Variants in CREM observed in about 807,000 individuals in gnomAD.
CREM encodes the protein cAMP-responsive element modulator.
In CREM, 13 loss-of-function variants were observed where a neutral mutation model predicts 37.3. The observed-to-expected ratio is 0.35, with a 90% CI of 0.23 to 0.55. The LOEUF (loss-of-function observed/expected upper bound fraction) is 0.55, where lower values mean the gene tolerates loss of function less well. Ranked by LOEUF, CREM falls within the 20% of genes least tolerant of loss-of-function variation. CREM has a pLI of 0.88. For missense variants in CREM, 296 were observed against 362.3 expected (o/e 0.82, Z 1.49); for synonymous variants, 124 against 120.2 (o/e 1.03, Z -0.21).
chr10:35,185,878 C>T (rs2094536587), intron 5 of CREM, among the ~76,000 whole-genome samples: 1 of 152,218 alleles, frequency 6.6e-6, no homozygotes, highest in African/African-American at 2.4e-5. Flanking sequence ...AAATGTTAAT[C>T]TATCTTCCTG....
rs751106366 is a variant in CREM at position 35,178,881 on chromosome 10, T to A, written c.169-8T>A. 6.3e-7 allele frequency: 1 copy of A among 1,596,242 alleles called. No homozygotes were observed. Among genetic ancestry groups the A allele is most frequent in the South Asian group, 1.1e-5 (1 of 88,552 alleles). On this transcript the variant is annotated splice_region_variant and splice_polypyrimidine_tract_variant and intron_variant, in intron 3 of 7. Transcript: ENST00000685392. ...TTATGATACATTTCAGAAAATCTTG[T>A]ATTATAGGTAGCAGCAATTGCAGAG...
intron 2 of CREM, among the ~76,000 whole-genome samples, chr10:35,142,637 G>C (rs2091580195): frequency 6.6e-6 from 1 of 152,136 alleles, no homozygotes; most frequent in Admixed American, 6.5e-5. Context: ...ATGGGGTCTT[G>C]CTCTGTCACC....
At chr10:35,160,197 A>G (rs1190205052) in intron 3 of CREM, among the ~76,000 whole-genome samples, 1 of 152,184 alleles carries the variant, frequency 6.6e-6, no homozygotes, top group African/African-American at 2.4e-5. Flanking sequence ...TGAATACTAC[A>G]GGCAATTGGA....
intron 7 of CREM, among the ~76,000 whole-genome samples, chr10:35,208,642 T>C (rs1473893720): frequency 6.6e-6 from 1 of 152,192 alleles, no homozygotes; most frequent in African/African-American, 2.4e-5. Flanking sequence ...TTCATTCTCA[T>C]GATCACAGCG....
chr10:35,201,567 G>T, intron 6 of CREM: 1 of 1,524,666 alleles, frequency 6.6e-7, no homozygotes, highest in Non-Finnish European at 8.9e-7. Context: ...CTTGCAAAGA[G>T]AGATATGTAG....
intron 6 of CREM, among the ~76,000 whole-genome samples, chr10:35,189,704 C>T (rs1191299846): frequency 3.9e-5 from 6 of 152,056 alleles, no homozygotes; most frequent in Non-Finnish European, 8.8e-5. Flanking sequence ...TTAGTAGAGA[C>T]GGGGTTTCAC....
intron 3 of CREM, among the ~76,000 whole-genome samples, chr10:35,166,288 C>A (rs1169414310): frequency 1.3e-5 from 2 of 152,098 alleles, no homozygotes; most frequent in Admixed American, 6.5e-5. Flanking sequence ...CTAGGCCAGA[C>A]ACAGTGGCTC....
At chr10:35,132,188 G>A (rs1370702266) in intron 1 of CREM, among the ~76,000 whole-genome samples, 7 of 142,042 alleles carry the variant, frequency 4.9e-5, no homozygotes, top group African/African-American at 1.8e-4. Flanking sequence ...GTGATAGAGC[G>A]AGACTTGAGT....
chr10:35,165,358 C>A (rs1227865467), intron 3 of CREM, among the ~76,000 whole-genome samples: 1 of 152,066 alleles, frequency 6.6e-6, no homozygotes, highest in African/African-American at 2.4e-5. Context: ...TCCCCCATGA[C>A]CCAAACACCT....
At chr10:35,157,121 T>C (rs543986523) in intron 3 of CREM, among the ~76,000 whole-genome samples, 97 of 152,134 alleles carry the variant, frequency 6.4e-4, no homozygotes, top group African/African-American at 2.2e-3. Flanking sequence ...ATAAATCACA[T>C]CAACAGAATG....
At chr10:35,133,731 A>G (rs189084809) in intron 1 of CREM, among the ~76,000 whole-genome samples, 1 of 152,392 alleles carries the variant, frequency 6.6e-6, no homozygotes. Flanking sequence ...TCTAATGTAC[A>G]GTTTAACAAA....
chr10:35,189,129 A>T (rs1309058639), intron 6 of CREM, among the ~76,000 whole-genome samples: 1 of 151,816 alleles, frequency 6.6e-6, no homozygotes, highest in Non-Finnish European at 1.5e-5. Context: ...TTTCAAGTCT[A>T]ATTTCTAGGC....
At position 35,178,933 on chromosome 10, in the gene CREM, T is replaced by C; in HGVS notation, c.213T>C (p.Gly71=). The change falls in exon 4 of 8, where the codon GGT becomes GGC. Residue 71 remains glycine, a synonymous_variant. Transcript: ENST00000685392. Reference sequence around the variant, plus strand: ...CAGATGAATCTGCAGAATCAGAAGGTGTAATTGATTCTCATAAACGTAGAG... The same window carrying C: ...CAGATGAATCTGCAGAATCAGAAGGCGTAATTGATTCTCATAAACGTAGAG... ...AETDESAESE[G]VIDSHKRREI... is the part of the protein sequence containing the mutation. 1 of 1,613,622 alleles carries C rather than the reference T, an allele frequency of 6.2e-7. No individual in the cohort carries two copies. Among genetic ancestry groups the C allele is most frequent in the Non-Finnish European group, 8.5e-7 (1 of 1,179,836 alleles).
At chr10:35,167,588 C>A (rs1322500284) in intron 3 of CREM, 2 of 789,672 alleles carry the variant, frequency 2.5e-6, no homozygotes, top group African/African-American at 1.7e-5. Context: ...TGCTGTGTTA[C>A]AACACTGTGA....
At chr10:35,182,722 G>A (rs987055538) in intron 5 of CREM, among the ~76,000 whole-genome samples, 1 of 152,158 alleles carries the variant, frequency 6.6e-6, no homozygotes, top group African/African-American at 2.4e-5. Context: ...GCTGCTCCCT[G>A]GGGAGTAGGA....
intron 6 of CREM, among the ~76,000 whole-genome samples, chr10:35,190,365 A>G (rs776812076): frequency 6.6e-6 from 1 of 152,152 alleles, no homozygotes; most frequent in African/African-American, 2.4e-5. Flanking sequence ...TTCTCCGTAT[A>G]TGGAGCCACT....
intron 3 of CREM, among the ~76,000 whole-genome samples, chr10:35,149,982 TA>T (rs2092475312): frequency 6.8e-6 from 1 of 146,822 alleles, no homozygotes. Flanking sequence ...AAATAAATAT[TA>T]AAATGAAGAA....
intron 6 of CREM, among the ~76,000 whole-genome samples, chr10:35,188,968 C>T (rs931505781): frequency 6.6e-6 from 1 of 151,974 alleles, no homozygotes; most frequent in African/African-American, 2.4e-5. Context: ...GCCACCGCAC[C>T]CGGCCACATG....
At chr10:35,206,545 G>A (rs972260065) in intron 6 of CREM, among the ~76,000 whole-genome samples, 5 of 152,104 alleles carry the variant, frequency 3.3e-5, no homozygotes, top group African/African-American at 1.2e-4. Context: ...ACACATCAGG[G>A]CTTTTTCATT....
Sources: allele counts gnomAD v4.1 joint callset (sites outside exome capture counted in the v4.1 genomes callset), GRCh38; gene constraint gnomAD v4.1.1; transcripts MANE v1.5; gene names NCBI Gene and HGNC (gene_info 2026-07-23, HGNC 2026-07-21).